Variants in ASPRV1 observed in about 807,000 individuals in gnomAD.
ASPRV1 encodes aspartic peptidase retroviral like 1, also known as retroviral-like aspartic protease 1.
In ASPRV1, 7 loss-of-function variants were observed where a neutral mutation model predicts 11.0. The ratio of observed to expected loss-of-function variants is 0.64; its 90% CI spans 0.36 to 1.20. The LOEUF is 1.20. Ranked by LOEUF, ASPRV1 falls within the 50% of genes most tolerant of loss-of-function variation. The probability of loss-of-function intolerance (pLI) is 0.02; values close to 1 mark genes in which losing one functional copy is unlikely to be tolerated. For missense variants in ASPRV1, 299 were observed against 320.0 expected (o/e 0.93, Z 0.50); for synonymous variants, 136 against 138.4 (o/e 0.98, Z 0.12).
the ASPRV1 span, among the ~76,000 whole-genome samples, chr2:70,019,895 A>C: frequency 2.0e-5 from 3 of 152,178 alleles, no homozygotes; most frequent in Non-Finnish European, 4.4e-5. Context: ...AATTGCTGAG[A>C]ATAAATTAAG....
chr2:69,992,991 T>C, the ASPRV1 span, among the ~76,000 whole-genome samples: 1 of 152,184 alleles, frequency 6.6e-6, no homozygotes, highest in Non-Finnish European at 1.5e-5. Context: ...TAAGAATCCT[T>C]GTCTAAGAAA....
At chr2:70,041,544 G>A in the ASPRV1 span, among the ~76,000 whole-genome samples, 2 of 152,144 alleles carry the variant, frequency 1.3e-5, no homozygotes. Flanking sequence ...GAAAATTTAT[G>A]TCATACTCAT....
chr2:69,957,856 C>T (rs1677974633), downstream of ASPRV1, among the ~76,000 whole-genome samples: 1 of 152,152 alleles, frequency 6.6e-6, no homozygotes, highest in African/African-American at 2.4e-5. Flanking sequence ...AAGGCTAAAC[C>T]TTCACACTGA....
At chr2:70,058,930 A>G in the ASPRV1 span, among the ~76,000 whole-genome samples, 1 of 124,034 alleles carries the variant, frequency 8.1e-6, no homozygotes, top group Non-Finnish European at 1.6e-5. Context: ...TCTGTCACCC[A>G]AGCTGGAATG....
chr2:70,033,827 C>T, the ASPRV1 span, among the ~76,000 whole-genome samples: 1 of 152,184 alleles, frequency 6.6e-6, no homozygotes, highest in Non-Finnish European at 1.5e-5. Flanking sequence ...CATACACTCA[C>T]TGGCAGTCTT....
At chr2:69,959,398 C>A (rs1458268539), downstream of ASPRV1, among the ~76,000 whole-genome samples, 3 of 152,118 alleles carry the variant, frequency 2.0e-5, no homozygotes, top group African/African-American at 7.2e-5. Flanking sequence ...GTCCACTCAG[C>A]TCCTCCCTTT....
At chr2:70,053,227 A>C in the ASPRV1 span, among the ~76,000 whole-genome samples, 1 of 152,232 alleles carries the variant, frequency 6.6e-6, no homozygotes, top group Admixed American at 6.5e-5. Context: ...GAGGGTAGCC[A>C]GGGTTCAGAT....
At chr2:70,076,923 T>C in the ASPRV1 span, among the ~76,000 whole-genome samples, 1 of 152,212 alleles carries the variant, frequency 6.6e-6, no homozygotes, top group Non-Finnish European at 1.5e-5. Context: ...TATATGGCTT[T>C]TGCATCATCG....
At chr2:69,972,648 C>T in the ASPRV1 span, among the ~76,000 whole-genome samples, 9 of 152,192 alleles carry the variant, frequency 5.9e-5, no homozygotes, top group Non-Finnish European at 8.8e-5. Context: ...GTGAGCCATT[C>T]GCCGGGCCTG....
At chr2:70,061,404 A>AC in the ASPRV1 span, among the ~76,000 whole-genome samples, 4 of 151,750 alleles carry the variant, frequency 2.6e-5, no homozygotes, top group East Asian at 7.7e-4. Flanking sequence ...CAAAAAAAAA[A>AC]AAAAACAAAA....
chr2:70,034,299 C>A, the ASPRV1 span, among the ~76,000 whole-genome samples: 14 of 150,626 alleles, frequency 9.3e-5, no homozygotes, highest in Non-Finnish European at 1.3e-4. Flanking sequence ...CAGCTCACTG[C>A]AAACCCTGCC....
the ASPRV1 span, among the ~76,000 whole-genome samples, chr2:69,967,881 G>C: frequency 1.3e-5 from 2 of 152,100 alleles, no homozygotes; most frequent in African/African-American, 4.8e-5. Context: ...AGGAGTTCCA[G>C]ACCAGCCTGG....
chr2:69,944,878 C>T, the ASPRV1 span, among the ~76,000 whole-genome samples: 1 of 152,076 alleles, frequency 6.6e-6, no homozygotes, highest in Non-Finnish European at 1.5e-5. Context: ...AAGACACTCT[C>T]TCTATCCCAT....
At chr2:70,071,481 C>T in the ASPRV1 span, 4 of 152,278 alleles carry the variant, frequency 2.6e-5, no homozygotes. Context: ...GTGCCTCACG[C>T]CTGTAATCCC....
chr2:70,084,498 C>A, the ASPRV1 span, among the ~76,000 whole-genome samples: 2 of 152,148 alleles, frequency 1.3e-5, no homozygotes, highest in African/African-American at 4.8e-5. Flanking sequence ...TGGATAAATT[C>A]CTTCACTAAT....
chr2:69,988,210 G>A, the ASPRV1 span, among the ~76,000 whole-genome samples: 1 of 152,142 alleles, frequency 6.6e-6, no homozygotes, highest in Non-Finnish European at 1.5e-5. Flanking sequence ...AGATATTTGC[G>A]CACCCATGTT....
Position 69,960,637 on chromosome 2 carries a change from G to A in ASPRV1, c.*20C>T. 6.3e-7 allele frequency: 1 copy of A among 1,596,062 alleles called. No homozygotes were observed. Among genetic ancestry groups the A allele is most frequent in the Non-Finnish European group, 8.5e-7 (1 of 1,172,602 alleles). On this transcript the variant is annotated 3_prime_UTR_variant, in exon 1 of 1. Transcript: ENST00000320256. ...GGGTCTTCCCACCAATATTTAGGAG[G>A]TTAAAGAAAAGGTGGCTTCTCAGTG...
At chr2:70,070,179 C>CAAAAAAAAA in the ASPRV1 span, 3 of 47,134 alleles carry the variant, frequency 6.4e-5, no homozygotes, top group Non-Finnish European at 1.2e-4. Context: ...GACTCCATCT[C>CAAAAAAAAA]AAAAAAAAAA....
At chr2:70,023,743 G>C in the ASPRV1 span, among the ~76,000 whole-genome samples, 1 of 151,480 alleles carries the variant, frequency 6.6e-6, no homozygotes, top group Non-Finnish European at 1.5e-5. Context: ...AAACCATGTA[G>C]ATTTCTTTTT....
Sources: allele counts gnomAD v4.1 joint callset (sites outside exome capture counted in the v4.1 genomes callset), GRCh38; gene constraint gnomAD v4.1.1; transcripts MANE v1.5; gene names NCBI Gene and HGNC (gene_info 2026-07-23, HGNC 2026-07-21).